EPHA6: variants seen among roughly 807,000 people sequenced by gnomAD.
EPHA6 encodes the protein ephrin type-A receptor 6.
EPHA6 carries 50 observed loss-of-function variants against 112.0 expected under a neutral mutation model. The observed-to-expected ratio is 0.45, with a 90% confidence interval of 0.36 to 0.56. The LOEUF (loss-of-function observed/expected upper bound fraction) is 0.56, where lower values mean the gene tolerates loss of function less well. Among genes scored for constraint, EPHA6 ranks in the 20% least tolerant of loss-of-function variants. The pLI, the probability that EPHA6 is intolerant of heterozygous loss-of-function variation, is 0.00. For missense variants in EPHA6, 1,280 were observed against 1,417.4 expected (o/e 0.90, Z 1.56); for synonymous variants, 529 against 490.7 (o/e 1.08, Z -1.03).
At chr3:97,619,836 A>G (rs576789890) in intron 13 of EPHA6, among the ~76,000 whole-genome samples, 11 of 152,290 alleles carry the variant, frequency 7.2e-5, no homozygotes, top group Non-Finnish European at 1.3e-4. Flanking sequence ...AAGTGGCCAT[A>G]CTGCCCAAAG....
At chr3:97,605,407 C>A (rs1190531058) in intron 12 of EPHA6, among the ~76,000 whole-genome samples, 1 of 151,500 alleles carries the variant, frequency 6.6e-6, no homozygotes, top group Non-Finnish European at 1.5e-5. Context: ...ATCTTTAATC[C>A]ACCTTAGGTT....
intron 10 of EPHA6, among the ~76,000 whole-genome samples, chr3:97,487,881 A>G (rs2091736475): frequency 6.6e-6 from 1 of 152,230 alleles, no homozygotes; most frequent in East Asian, 1.9e-4. Context: ...ACTGTAAAAC[A>G]GAAACTCCCA....
intron 2 of EPHA6, among the ~76,000 whole-genome samples, chr3:96,902,392 C>G (rs547271559): frequency 6.6e-6 from 1 of 152,240 alleles, no homozygotes; most frequent in East Asian, 1.9e-4. Context: ...TCACTTACCA[C>G]TGGAAACTAC....
intron 1 of EPHA6, among the ~76,000 whole-genome samples, chr3:96,833,334 A>C (rs1243539522): frequency 6.6e-6 from 1 of 151,716 alleles, no homozygotes. Flanking sequence ...AAGCCACACA[A>C]AAAACTAGGA....
At chr3:97,531,866 G>T (rs1313849824) in intron 10 of EPHA6, among the ~76,000 whole-genome samples, 2 of 152,012 alleles carry the variant, frequency 1.3e-5, no homozygotes, top group African/African-American at 2.4e-5. Context: ...TTCAGTGTGG[G>T]TTTTTTCAAT....
intron 3 of EPHA6, among the ~76,000 whole-genome samples, chr3:97,144,059 G>C (rs1172554095): frequency 6.6e-6 from 1 of 151,666 alleles, no homozygotes; most frequent in African/African-American, 2.4e-5. Flanking sequence ...CTCCGTGATA[G>C]TTATTTTTAT....
At chr3:97,138,986 T>C (rs1157544823) in intron 3 of EPHA6, among the ~76,000 whole-genome samples, 1 of 152,170 alleles carries the variant, frequency 6.6e-6, no homozygotes, top group Non-Finnish European at 1.5e-5. Flanking sequence ...AGTGCTCTTC[T>C]CTGAGTGGAC....
At chr3:97,469,878 G>A (rs912769582) in intron 7 of EPHA6, among the ~76,000 whole-genome samples, 2 of 151,828 alleles carry the variant, frequency 1.3e-5, no homozygotes, top group Admixed American at 1.3e-4. Flanking sequence ...GTCTACTCCT[G>A]TGGGGCTGAA....
intron 14 of EPHA6, among the ~76,000 whole-genome samples, chr3:97,679,782 T>C (rs2031713716): frequency 6.6e-6 from 1 of 152,176 alleles, no homozygotes; most frequent in South Asian, 2.1e-4. Flanking sequence ...AGAAAGGGTT[T>C]TGAATTTAAA....
intron 11 of EPHA6, among the ~76,000 whole-genome samples, chr3:97,584,309 C>T (rs1279260778): frequency 2.0e-5 from 3 of 152,172 alleles, no homozygotes; most frequent in Non-Finnish European, 4.4e-5. Flanking sequence ...TAAGAGTTCA[C>T]AGCCTAGTGA....
chr3:97,442,693 A>G (rs1262272341), intron 6 of EPHA6, among the ~76,000 whole-genome samples: 1 of 152,216 alleles, frequency 6.6e-6, no homozygotes, highest in East Asian at 1.9e-4. Flanking sequence ...GAGAATCCAC[A>G]TTAGTAATCA....
rs559366602 is a variant in EPHA6 at position 97,389,581 on chromosome 3, G to C, written c.1607-15569G>C. Reference sequence around the variant, plus strand: ...AAACCCTGTAAATGTATTTGTACAAGGTTTAAAAGGTTTTACAAGGTTTAA... The same window carrying C: ...AAACCCTGTAAATGTATTTGTACAACGTTTAAAAGGTTTTACAAGGTTTAA... On this transcript the variant is annotated intron_variant, in intron 5 of 17. Transcript: ENST00000389672. 5.9e-5 allele frequency among the ~76,000 whole-genome samples: 9 copies of C among 151,952 alleles called. No individual in the cohort carries two copies. The South Asian group carries it at 1.7e-3, about 28-fold the overall frequency.
chr3:97,391,322 C>A (rs2086383436), intron 5 of EPHA6, among the ~76,000 whole-genome samples: 1 of 151,842 alleles, frequency 6.6e-6, no homozygotes, highest in Non-Finnish European at 1.5e-5. Flanking sequence ...CAAATGAAAG[C>A]TACTTAATGT....
intron 2 of EPHA6, among the ~76,000 whole-genome samples, chr3:96,907,398 T>C (rs2038990476): frequency 6.6e-6 from 1 of 151,760 alleles, no homozygotes; most frequent in African/African-American, 2.4e-5. Flanking sequence ...ATAGAAAACT[T>C]AAAAACTAGG....
At chr3:97,408,435 C>A (rs1234223929) in intron 6 of EPHA6, among the ~76,000 whole-genome samples, 1 of 151,828 alleles carries the variant, frequency 6.6e-6, no homozygotes, top group East Asian at 1.9e-4. Flanking sequence ...TCCCTCTTTC[C>A]TCTCCTTTTT....
chr3:96,848,566 A>G (rs908458393), intron 1 of EPHA6, among the ~76,000 whole-genome samples: 3 of 152,082 alleles, frequency 2.0e-5, no homozygotes, highest in Non-Finnish European at 4.4e-5. Context: ...TGGAGGTTAT[A>G]GTGGGCTGAG....
chr3:97,404,185 G>T (rs1435745294), intron 5 of EPHA6, among the ~76,000 whole-genome samples: 5 of 152,122 alleles, frequency 3.3e-5, no homozygotes, highest in Non-Finnish European at 7.4e-5. Flanking sequence ...AAAAGCCAAA[G>T]TATAAATAAA....
At chr3:97,217,333 G>C (rs1017200540) in intron 3 of EPHA6, among the ~76,000 whole-genome samples, 1 of 152,044 alleles carries the variant, frequency 6.6e-6, no homozygotes, top group African/African-American at 2.4e-5. Context: ...AAAACAGATG[G>C]TAAAAAGTAT....
intron 2 of EPHA6, among the ~76,000 whole-genome samples, chr3:96,947,726 C>A (rs1348302516): frequency 6.6e-6 from 1 of 152,108 alleles, no homozygotes; most frequent in Non-Finnish European, 1.5e-5. Context: ...GAACTACAAA[C>A]CACTGCTCAA....
Sources: allele counts gnomAD v4.1 joint callset (sites outside exome capture counted in the v4.1 genomes callset), GRCh38; gene constraint gnomAD v4.1.1; transcripts MANE v1.5; gene names NCBI Gene and HGNC (gene_info 2026-07-23, HGNC 2026-07-21).